ELAVL2: variants seen among roughly 807,000 people sequenced by gnomAD.
ELAVL2 encodes the protein ELAV like RNA binding protein 2, also known as ELAV-like protein 2.
Under a neutral mutation model 34.6 loss-of-function variants are expected in ELAVL2, and 4 were observed. That is an observed-to-expected ratio of 0.12 (90% CI 0.06 to 0.26). The LOEUF is 0.26. ELAVL2 is among the 10% of genes least tolerant of loss of function. The pLI is 1.00. For missense variants in ELAVL2, 432 were observed against 442.8 expected (o/e 0.98, Z 0.22); for synonymous variants, 193 against 154.8 (o/e 1.25, Z -1.83).
At chr9:23,730,716 A>C (rs2046318158) in intron 3 of ELAVL2, among the ~76,000 whole-genome samples, 1 of 152,094 alleles carries the variant, frequency 6.6e-6, no homozygotes, top group African/African-American at 2.4e-5. Flanking sequence ...AACAAGTCTA[A>C]GGTTTCCTCA....
At chr9:23,697,038 T>C (rs948849922) in intron 5 of ELAVL2, among the ~76,000 whole-genome samples, 46 of 152,176 alleles carry the variant, frequency 3.0e-4, no homozygotes, top group African/African-American at 1.1e-3. Context: ...GGGGGAAGAC[T>C]GAGCAATCAT....
chr9:23,779,997 A>C (rs1218507397), intron 1 of ELAVL2, among the ~76,000 whole-genome samples: 5 of 12,980 alleles, frequency 3.9e-4, no homozygotes, highest in Non-Finnish European at 4.6e-4. Flanking sequence ...AAAAAAAAAA[A>C]AAAAAAAAAA....
chr9:23,737,182 C>T (rs2048100486), intron 2 of ELAVL2, among the ~76,000 whole-genome samples: 1 of 152,208 alleles, frequency 6.6e-6, no homozygotes, highest in Admixed American at 6.5e-5. Flanking sequence ...GACCCTAAGA[C>T]AGATCATTAA....
intron 2 of ELAVL2, among the ~76,000 whole-genome samples, chr9:23,732,460 A>G (rs549483765): frequency 1.3e-5 from 2 of 152,344 alleles, no homozygotes; most frequent in Non-Finnish European, 2.9e-5. Context: ...GCTAAAAACT[A>G]ATTAGGTTAA....
chr9:23,757,245 C>G (rs551818343), intron 2 of ELAVL2, among the ~76,000 whole-genome samples: 23 of 152,238 alleles, frequency 1.5e-4, no homozygotes, highest in African/African-American at 5.3e-4. Context: ...CAGAAGATGC[C>G]CTCTGGATAA....
rs938263676 is a variant in ELAVL2, at chr9:23,691,185, T to C, written c.*1372A>G. On this transcript the variant is annotated 3_prime_UTR_variant, in exon 7 of 7. Coordinates refer to ENST00000397312, the MANE Select transcript of ELAVL2 (RefSeq NM_004432.5). ...TAAGCAAGACCTCAAGTAACAATGTTAATGCCATTTACAAAGGAAAAAACT... is the reference window on the plus strand; with the variant it reads ...TAAGCAAGACCTCAAGTAACAATGTCAATGCCATTTACAAAGGAAAAAACT... 1 of 152,502 alleles carries C rather than the reference T, an allele frequency of 6.6e-6. No individual in the cohort carries two copies. Among genetic ancestry groups the C allele is most frequent in the Admixed American group, 6.6e-5 (1 of 15,260 alleles). 9.4% of individuals were successfully genotyped at this position (152,502 alleles called of 1,614,324 possible).
the ELAVL2 span, among the ~76,000 whole-genome samples, chr9:23,842,632 C>T: frequency 2.0e-5 from 3 of 152,108 alleles, no homozygotes; most frequent in African/African-American, 4.8e-5. Flanking sequence ...TTAGTGGATA[C>T]TAAATAGCTA....
intron 2 of ELAVL2, among the ~76,000 whole-genome samples, chr9:23,753,697 T>A (rs2052744779): frequency 6.6e-6 from 1 of 152,110 alleles, no homozygotes; most frequent in African/African-American, 2.4e-5. Flanking sequence ...TTTCCATCAT[T>A]CCTACGACAA....
the ELAVL2 span, among the ~76,000 whole-genome samples, chr9:23,848,355 C>T: frequency 6.6e-6 from 1 of 152,176 alleles, no homozygotes; most frequent in Non-Finnish European, 1.5e-5. Flanking sequence ...AATCTAAACT[C>T]TTCTTTTTTC....
rs181655203 is a variant in ELAVL2 at position 23,726,717 on chromosome 9, G to C, written c.333+4305C>G. Among the ~76,000 whole-genome samples the C allele has an allele frequency of 4.6e-5, 7 of 152,210 alleles. No individual in the cohort carries two copies. In the East Asian group the frequency reaches 1.4e-3, roughly 29 times the overall value. The stretch of plus-strand genomic sequence containing the variant: ...TCTACACATATTCTTGGAAATGAAT[G>C]ATTTTAGTTTGCTAATCATGAATTT... On this transcript the variant is annotated intron_variant, in intron 3 of 6. Coordinates refer to ENST00000397312, the MANE Select transcript of ELAVL2 (RefSeq NM_004432.5).
intron 2 of ELAVL2, among the ~76,000 whole-genome samples, chr9:23,744,217 C>T (rs542107622): frequency 1.3e-5 from 2 of 152,282 alleles, no homozygotes; most frequent in African/African-American, 2.4e-5. Flanking sequence ...CCTTAAGTTT[C>T]ACAAATAGAT....
At chr9:23,779,385 C>G (rs796958265) in intron 1 of ELAVL2, 12 of 985,378 alleles carry the variant, frequency 1.2e-5, no homozygotes, top group Non-Finnish European at 1.4e-5. Flanking sequence ...CAACGCCCTG[C>G]CTAAACACTG....
chr9:23,831,557 G>C, the ELAVL2 span: 1 of 152,250 alleles, frequency 6.6e-6, no homozygotes, highest in Non-Finnish European at 1.5e-5. Flanking sequence ...TGCAGAGATG[G>C]AGATGGCTTG....
At chr9:23,707,223 G>C (rs1416868287) in intron 3 of ELAVL2, among the ~76,000 whole-genome samples, 1 of 152,202 alleles carries the variant, frequency 6.6e-6, no homozygotes, top group Non-Finnish European at 1.5e-5. Context: ...CAAATCTTGG[G>C]ATTGCTATAA....
At chr9:23,716,436 T>C (rs1249351343) in intron 3 of ELAVL2, among the ~76,000 whole-genome samples, 1 of 152,080 alleles carries the variant, frequency 6.6e-6, no homozygotes, top group Non-Finnish European at 1.5e-5. Context: ...CCAACAAGTT[T>C]TGAAAAACAC....
At chr9:23,811,152 C>A (rs749484656) in intron 1 of ELAVL2, among the ~76,000 whole-genome samples, 23 of 152,144 alleles carry the variant, frequency 1.5e-4, no homozygotes, top group Non-Finnish European at 2.6e-4. Context: ...TTTCACCCTA[C>A]CATCCACAAA....
At chr9:23,777,638 G>GTA (rs3838728) in intron 1 of ELAVL2, among the ~76,000 whole-genome samples, 2 of 152,068 alleles carry the variant, frequency 1.3e-5, no homozygotes, top group South Asian at 4.2e-4. Flanking sequence ...GAAACGGGGG[G>GTA]TATCATGAGG....
intron 4 of ELAVL2, among the ~76,000 whole-genome samples, chr9:23,702,537 T>G (rs1193124217): frequency 6.6e-6 from 1 of 152,000 alleles, no homozygotes; most frequent in South Asian, 2.1e-4. Flanking sequence ...CAGGGAAATT[T>G]TTTTTGGCAA....
intron 2 of ELAVL2, among the ~76,000 whole-genome samples, chr9:23,758,327 G>C (rs952494214): frequency 6.6e-6 from 1 of 151,956 alleles, no homozygotes; most frequent in South Asian, 2.1e-4. Context: ...TCAGAACCCA[G>C]ATTTAGATAC....
Sources: gnomAD v4.1 joint callset for allele counts (sites outside exome capture counted in the v4.1 genomes callset) on GRCh38, gnomAD v4.1.1 for gene constraint, MANE v1.5 for transcripts, NCBI Gene and HGNC (gene_info 2026-07-23, HGNC 2026-07-21) for gene names.